KHDC4: variants seen among roughly 807,000 people sequenced by gnomAD.
The protein encoded by KHDC4 is KH homology domain-containing protein 4.
A neutral mutation model predicts 74.5 loss-of-function variants in KHDC4; 19 were observed. The observed-to-expected ratio is 0.26, with a 90% confidence interval of 0.18 to 0.37. The LOEUF (loss-of-function observed/expected upper bound fraction) is 0.37, where lower values mean the gene tolerates loss of function less well. Among genes scored for constraint, KHDC4 ranks in the 10% least tolerant of loss-of-function variants. KHDC4 has a pLI of 1.00. For missense variants in KHDC4, 632 were observed against 754.1 expected, an observed-to-expected ratio of 0.84 and a Z score of 1.90; for synonymous variants, 253 against 266.1, an observed-to-expected ratio of 0.95 and a Z score of 0.48.
Position 155,927,149 on chromosome 1 carries a change from G to A in KHDC4, c.472C>T (p.Pro158Ser). Residue 158 changes from proline to serine, a missense_variant, in exon 5 of 14, where the codon CCA (proline) becomes TCA (serine). Pro to Ser is a moderately conservative substitution (Grantham distance 74, BLOSUM62 -1). Coordinates refer to ENST00000368321, the MANE Select transcript of KHDC4 (RefSeq NM_014949.4). ...TGGCCCTGAACATGAAGATATAATG[G>A]ACGATCCCTATAAAGAGAAACAAAA... is the stretch of plus-strand genomic sequence containing the variant. Reference protein sequence around the residue: ...EKAKVGPGDRPLYLHVQGQTR... With the variant: ...EKAKVGPGDRSLYLHVQGQTR... 6.2e-7 allele frequency: 1 copy of A among 1,613,650 alleles called. No homozygotes were observed. Among genetic ancestry groups the A allele is most frequent in the Non-Finnish European group, 8.5e-7 (1 of 1,179,650 alleles).
Position 155,933,695 on chromosome 1 carries a change from T to C in KHDC4, c.193A>G (p.Lys65Glu). Residue 65 changes from lysine to glutamate, a missense_variant, in exon 2 of 14, where the codon AAG becomes GAG. By Grantham distance (56) the Lys-to-Glu change is moderately conservative (BLOSUM62 1). Around this residue, in one of 4 missense-constraint regions of KHDC4, gnomAD observed 233 missense variants for 342.6 expected, o/e 0.68. Coordinates refer to ENST00000368321, the MANE Select transcript of KHDC4 (RefSeq NM_014949.4). ...ALDAAAAVAA[K>E]INAMLMAKGK... Reference sequence around the variant, plus strand: ...TTTGCCATGAGCATGGCATTAATCTTGGCAGCCACAGCAGCAGCAGCATCC... The same window carrying C: ...TTTGCCATGAGCATGGCATTAATCTCGGCAGCCACAGCAGCAGCAGCATCC... 8 of 1,613,010 alleles carry C rather than the reference T, an allele frequency of 5.0e-6. No homozygotes were observed. The highest frequency in any genetic ancestry group is 6.8e-6 in the Non-Finnish European group (8 of 1,179,290).
At chr1:155,927,005 G>A in intron 5 of KHDC4, 99 bp downstream of exon 5, 1 of 1,344,842 alleles carries the variant, frequency 7.4e-7, no homozygotes. Flanking sequence ...ATGAACAAGG[G>A]TTAGAACAGC....
chr1:155,922,066 A>C, intron 8 of KHDC4, 148 bp from the exon 9 acceptor site: 2 of 376,324 alleles, frequency 5.3e-6, no homozygotes, highest in African/African-American at 6.6e-5. Flanking sequence ...TTTAACCCAC[A>C]TTTTTTTTTT....
chr1:155,926,325 C>CTTTTTTTTTTTTTTTTT, intron 6 of KHDC4: 2 of 174,960 alleles, frequency 1.1e-5, no homozygotes, highest in Non-Finnish European at 2.0e-5. Context: ...TTACTTGGCA[C>CTTTTTTTTTTTTTTTTT]TTTTTTTTTT....
rs750565824 is a variant in KHDC4 at position 155,927,111 on chromosome 1, T to G, written c.510A>C (p.Leu170Phe). ...YLHVQGQTRE[L>F]VDRAVNRIKE... is the part of the protein sequence containing the mutation. ...GCCAAAAACATTACTTACTGTCCAC[T>G]AATTCCCGTGTCTGGCCCTGAACAT... is the stretch of plus-strand genomic sequence containing the variant. The change falls in exon 5 of 14, where the codon TTA becomes TTC. Residue 170 changes from leucine to phenylalanine, a missense_variant. Coordinates refer to ENST00000368321, the MANE Select transcript of KHDC4 (RefSeq NM_014949.4). 6.2e-7 allele frequency: 1 copy of G among 1,613,856 alleles called. No homozygotes were observed. The highest frequency in any genetic ancestry group is 1.1e-5 in the South Asian group (1 of 91,082).
chr1:155,933,563 C>A (rs1674188949), intron 2 of KHDC4, 70 bp downstream of exon 2: 1 of 1,270,864 alleles, frequency 7.9e-7, no homozygotes, highest in African/African-American at 1.5e-5. Context: ...GGATTACAGG[C>A]GTAAGCCACC....
chr1:155,921,963 G>A (rs1272218012), intron 8 of KHDC4, 45 bp from the exon 9 acceptor site: 4 of 1,284,696 alleles, frequency 3.1e-6, no homozygotes, highest in Non-Finnish European at 4.5e-6. Context: ...AGCCGAAGCT[G>A]TGCATTTACA....
Position 155,914,143 on chromosome 1 carries a change from A to G in KHDC4, c.1823T>C (p.Met608Thr). 1.2e-6 allele frequency: 2 copies of G among 1,614,152 alleles called. No homozygotes were observed. The highest frequency in any genetic ancestry group is 1.7e-6 in the Non-Finnish European group (2 of 1,180,008). Residue 608 changes from methionine (M) to threonine (T), a missense_variant, in exon 14 of 14, where the codon ATG (methionine) becomes ACG (threonine). Physicochemically the swap from Met to Thr is moderately conservative, Grantham distance 81. Transcript: ENST00000368321. The stretch of plus-strand genomic sequence containing the variant: ...TTCCTAGGGAGCCATCCAGAATGGC[A>G]TCTGTTGTTTAGCTCGTGGTTGTGA... The part of the protein sequence containing the change: ...PSSQPRAKQQ[M>T]PFWMAP
chr1:155,921,566 C>T lies in KHDC4; in HGVS notation c.1075G>A (p.Gly359Ser). The change falls in exon 10 of 14, where the codon GGC (glycine) becomes AGC (serine). Residue 359 changes from glycine (G) to serine (S), a missense_variant. Gly to Ser is a moderately conservative substitution (Grantham distance 56). This residue lies in a region of KHDC4 where 254 missense variants were observed against 267.4 expected (regional missense o/e 0.95). Transcript: ENST00000368321. ...PPQPPYYPSNGYQSGYPVVPP... is the reference protein window; with the variant it reads ...PPQPPYYPSNSYQSGYPVVPP... The stretch of plus-strand genomic sequence containing the variant: ...ACAACAGGGTAACCAGACTGATAGC[C>T]ATTGGATGGATAATATGGTGGTTGA... 6.2e-7 allele frequency: 1 copy of T among 1,613,980 alleles called. No homozygotes were observed. Among genetic ancestry groups the T allele is most frequent in the Non-Finnish European group, 8.5e-7 (1 of 1,179,978 alleles).
At chr1:155,933,588 A>T (rs1194499189) in intron 2 of KHDC4, 45 bp downstream of exon 2, 1 of 1,500,708 alleles carries the variant, frequency 6.7e-7, no homozygotes, top group South Asian at 1.2e-5. Flanking sequence ...CCGGCAAAAC[A>T]ACTATTAAAT....
chr1:155,916,833 T>G, intron 11 of KHDC4, 96 bp from the exon 12 acceptor site: 2 of 781,698 alleles, frequency 2.6e-6, no homozygotes, highest in Non-Finnish European at 2.2e-6. Flanking sequence ...ATCTTTCTGA[T>G]AAGTTGTAGT....
chr1:155,917,127 T>A (rs1673748765), intron 11 of KHDC4, among the ~76,000 whole-genome samples: 2 of 152,336 alleles, frequency 1.3e-5, no homozygotes, highest in Admixed American at 6.5e-5. Context: ...TCTTTTTAAC[T>A]TTAGTGGCTA....
intron 6 of KHDC4, 56 bp from the exon 7 acceptor site, chr1:155,925,899 T>A: frequency 7.4e-7 from 1 of 1,358,706 alleles, no homozygotes; most frequent in Non-Finnish European, 1.1e-6. Flanking sequence ...AAATCCTCAA[T>A]CTTTGAAATA....
intron 2 of KHDC4, among the ~76,000 whole-genome samples, chr1:155,931,928 A>G (rs1674149570): frequency 6.6e-6 from 1 of 152,194 alleles, no homozygotes; most frequent in African/African-American, 2.4e-5. Flanking sequence ...ATGTTGTCCA[A>G]GAGAACTTTT....
chr1:155,916,617 C>T lies in KHDC4; in HGVS notation c.1553+8G>A, dbSNP rs374740017. The T allele has an allele frequency of 2.2e-5, 35 of 1,583,020 alleles. No individual in the cohort carries two copies. Among genetic ancestry groups the T allele is most frequent in the Admixed American group, 3.4e-5 (2 of 59,596 alleles). ...TCTGAATACATTTGCATAATTATTC[C>T]AACTTACCTGTCCCTCTCTCTCTCT... On this transcript the variant is annotated splice_region_variant and intron_variant, in intron 12 of 13. Coordinates refer to ENST00000368321, the MANE Select transcript of KHDC4 (RefSeq NM_014949.4).
chr1:155,929,939 G>A (rs1674106509), intron 2 of KHDC4, 99 bp from the exon 3 acceptor site: 1 of 765,778 alleles, frequency 1.3e-6, no homozygotes, highest in African/African-American at 1.9e-5. Flanking sequence ...ATTTTTTTGA[G>A]ATGGAGTCTG....
chr1:155,921,118 A>G (rs1673853816), intron 10 of KHDC4: 1 of 484,150 alleles, frequency 2.1e-6, no homozygotes, highest in Non-Finnish European at 3.7e-6. Context: ...CTGACCCTTT[A>G]TAGCAAGTGT....
At position 155,923,677 on chromosome 1, in the gene KHDC4, G is replaced by A. The variant is rs766206559; in HGVS notation, c.904C>T (p.Pro302Ser). 4 of 1,613,178 alleles carry A rather than the reference G, an allele frequency of 2.5e-6. No homozygotes were observed. Among genetic ancestry groups the A allele is most frequent in the Non-Finnish European group, 3.4e-6 (4 of 1,179,258 alleles). Residue 302 changes from proline to serine, a missense_variant, in exon 8 of 14, where the codon CCA becomes TCA. This residue lies in a region of KHDC4 where 233 missense variants were observed against 342.6 expected (regional missense o/e 0.68). Transcript: ENST00000368321. ...PMYIYISHPKPEGLAAAKKLC... is the reference protein window; with the variant it reads ...PMYIYISHPKSEGLAAAKKLC... ...TTCTTGGCAGCAGCCAGGCCTTCTG[G>A]TTTGGGGTGACTGCAAAGAAATAAC... is the stretch of plus-strand genomic sequence containing the variant.
chr1:155,921,767 T>A, intron 9 of KHDC4, 94 bp downstream of exon 9: 1 of 1,402,966 alleles, frequency 7.1e-7, no homozygotes, highest in Non-Finnish European at 9.9e-7. Context: ...AAGGGAACAT[T>A]AATAGTGCCC....
Sources: allele counts gnomAD v4.1 joint callset (sites outside exome capture counted in the v4.1 genomes callset), GRCh38; gene constraint gnomAD v4.1.1; regional missense constraint gnomAD v4.1.1; transcripts MANE v1.5; gene names NCBI Gene and HGNC (gene_info 2026-07-23, HGNC 2026-07-21).